The following NTNG1 variants were observed in gnomAD, a reference collection of about 807,000 sequenced individuals.
NTNG1 encodes netrin-G1.
In NTNG1, 16 loss-of-function variants were observed where a neutral mutation model predicts 54.0. The ratio of observed to expected loss-of-function variants is 0.30; its 90% CI spans 0.20 to 0.45. The LOEUF (loss-of-function observed/expected upper bound fraction) is 0.45, where lower values mean the gene tolerates loss of function less well. NTNG1 is among the 20% of genes least tolerant of loss of function. NTNG1 has a pLI of 1.00. For missense variants in NTNG1, 530 were observed against 678.7 expected, an observed-to-expected ratio of 0.78 and a Z score of 2.43; for synonymous variants, 255 against 263.1, an observed-to-expected ratio of 0.97 and a Z score of 0.30.
intron 2 of NTNG1, among the ~76,000 whole-genome samples, chr1:107,283,994 T>G (rs1570582577): frequency 6.6e-6 from 1 of 152,324 alleles, no homozygotes; most frequent in Non-Finnish European, 1.5e-5. Context: ...CAGAATAATC[T>G]TACTTGATAA....
intron 2 of NTNG1, among the ~76,000 whole-genome samples, chr1:107,318,850 C>T (rs1355883693): frequency 6.6e-6 from 1 of 152,124 alleles, no homozygotes; most frequent in Admixed American, 6.5e-5. Flanking sequence ...TGAGATTGCA[C>T]TACATGGCCA....
chr1:107,305,950 T>G (rs1666671280), intron 2 of NTNG1, among the ~76,000 whole-genome samples: 1 of 152,182 alleles, frequency 6.6e-6, no homozygotes, highest in Non-Finnish European at 1.5e-5. Flanking sequence ...AACTATTTAT[T>G]TTGTGAGCAA....
intron 7 of NTNG1, among the ~76,000 whole-genome samples, chr1:107,462,021 G>A (rs1558017474): frequency 1.3e-5 from 2 of 152,174 alleles, no homozygotes. Context: ...TAGTGGCTTG[G>A]ACCATTAGGA....
intron 5 of NTNG1, among the ~76,000 whole-genome samples, chr1:107,430,516 G>C (rs1675193002): frequency 6.6e-6 from 1 of 152,150 alleles, no homozygotes; most frequent in African/African-American, 2.4e-5. Flanking sequence ...TGTCTGCCAA[G>C]AATTAACAAT....
chr1:107,429,079 C>T (rs762583792), intron 5 of NTNG1, among the ~76,000 whole-genome samples: 2 of 152,090 alleles, frequency 1.3e-5, no homozygotes, highest in South Asian at 2.1e-4. Flanking sequence ...TCCCTGTTCA[C>T]GTACACATGG....
chr1:107,384,779 C>G (rs1671861791), intron 3 of NTNG1, among the ~76,000 whole-genome samples: 2 of 152,218 alleles, frequency 1.3e-5, no homozygotes, highest in Admixed American at 1.3e-4. Flanking sequence ...TCCTATAATA[C>G]AGGAATTCGT....
At chr1:107,450,733 T>C (rs1676571299) in intron 7 of NTNG1, among the ~76,000 whole-genome samples, 1 of 152,076 alleles carries the variant, frequency 6.6e-6, no homozygotes, top group Non-Finnish European at 1.5e-5. Flanking sequence ...AGGTTCCAAA[T>C]AGCAAAATAA....
chr1:107,295,135 G>A (rs1180341806), intron 2 of NTNG1, among the ~76,000 whole-genome samples: 1 of 152,188 alleles, frequency 6.6e-6, no homozygotes, highest in Non-Finnish European at 1.5e-5. Flanking sequence ...TGGTTGGGAT[G>A]TGCAGAAGAA....
At chr1:107,478,103 T>C (rs1322007700) in intron 7 of NTNG1, among the ~76,000 whole-genome samples, 1 of 152,180 alleles carries the variant, frequency 6.6e-6, no homozygotes, top group African/African-American at 2.4e-5. Context: ...CAAAATGACA[T>C]GAAGATGGAG....
At chr1:107,444,647 C>T (rs1334846048) in intron 7 of NTNG1, among the ~76,000 whole-genome samples, 2 of 152,058 alleles carry the variant, frequency 1.3e-5, no homozygotes, top group South Asian at 2.1e-4. Flanking sequence ...TTAATTTCCC[C>T]CTTTATTTAA....
At chr1:107,274,066 A>G (rs1340782188) in intron 2 of NTNG1, among the ~76,000 whole-genome samples, 3 of 152,178 alleles carry the variant, frequency 2.0e-5, no homozygotes, top group African/African-American at 7.2e-5. Context: ...TAAGGAGTAT[A>G]TTTGCCACTG....
At chr1:107,360,594 T>A (rs1315821949) in intron 3 of NTNG1, among the ~76,000 whole-genome samples, 1 of 152,210 alleles carries the variant, frequency 6.6e-6, no homozygotes, top group Non-Finnish European at 1.5e-5. Flanking sequence ...GAATGGATAG[T>A]CTCTAATTCA....
intron 2 of NTNG1, among the ~76,000 whole-genome samples, chr1:107,167,841 T>A (rs1655923091): frequency 6.6e-6 from 1 of 152,056 alleles, no homozygotes; most frequent in Admixed American, 6.6e-5. Flanking sequence ...ATGTGTATAT[T>A]GTTTGTTAGT....
At chr1:107,187,555 T>TA (rs1369896354) in intron 2 of NTNG1, among the ~76,000 whole-genome samples, 4 of 152,120 alleles carry the variant, frequency 2.6e-5, no homozygotes, top group African/African-American at 4.8e-5. Flanking sequence ...CCTAGCAGGA[T>TA]AGGGGGTTGC....
Position 107,484,705 on chromosome 1 carries a change from C to T in NTNG1, c.*3865C>T, listed in dbSNP as rs1378825005. The stretch of plus-strand genomic sequence containing the variant: ...TGGAGTATAAGAAATTTTGGATGCA[C>T]TGGGGGAACAACTGTGAGGAAATCT... On this transcript the variant is annotated 3_prime_UTR_variant, in exon 8 of 8. Transcript: ENST00000370068. Among the ~76,000 whole-genome samples the T allele has an allele frequency of 6.6e-6, 1 of 152,194 alleles. No individual in the cohort carries two copies.
chr1:107,179,035 C>T (rs1227967859), intron 2 of NTNG1, among the ~76,000 whole-genome samples: 8 of 152,144 alleles, frequency 5.3e-5, no homozygotes, highest in Admixed American at 5.2e-4. Context: ...AGGAAACATT[C>T]TCTCCAAGCC....
chr1:107,373,876 A>AT (rs1671075254), intron 3 of NTNG1, among the ~76,000 whole-genome samples: 1 of 151,698 alleles, frequency 6.6e-6, no homozygotes. Flanking sequence ...TTTTTAAATT[A>AT]TTTTTTGTAA....
intron 1 of NTNG1, among the ~76,000 whole-genome samples, chr1:107,145,616 T>C (rs1654044256): frequency 6.6e-6 from 1 of 152,120 alleles, no homozygotes; most frequent in African/African-American, 2.4e-5. Flanking sequence ...TTGCCAAAGC[T>C]TGACATTTTT....
intron 2 of NTNG1, among the ~76,000 whole-genome samples, chr1:107,209,277 C>CT (rs897213891): frequency 6.6e-6 from 1 of 151,716 alleles, no homozygotes; most frequent in African/African-American, 2.4e-5. Context: ...ACAGATTTGA[C>CT]TTTTTTTGGT....
Sources: gnomAD v4.1 joint callset for allele counts (sites outside exome capture counted in the v4.1 genomes callset) on GRCh38, gnomAD v4.1.1 for gene constraint, MANE v1.5 for transcripts, NCBI Gene and HGNC (gene_info 2026-07-23, HGNC 2026-07-21) for gene names.